The following KCNG2 variants were observed in gnomAD, a reference collection of about 807,000 sequenced individuals.
KCNG2 encodes the protein potassium voltage-gated channel modifier subfamily G member 2.
In KCNG2, 7 loss-of-function variants were observed where a neutral mutation model predicts 12.3. That is an observed-to-expected ratio of 0.57 (90% confidence interval 0.32 to 1.07). The LOEUF (loss-of-function observed/expected upper bound fraction) is 1.07. Ranked by LOEUF, KCNG2 falls within the 50% of genes least tolerant of loss-of-function variation. The pLI is 0.04. For synonymous variants in KCNG2, 414 were observed against 351.4 expected (o/e 1.18, Z -1.99); for missense variants, 703 against 726.0 (o/e 0.97, Z 0.36).
Position 79,863,852 on chromosome 18 carries a change from A to G in KCNG2, c.185A>G (p.Tyr62Cys), listed in dbSNP as rs1979328776. 4 of 1,466,960 alleles carry G rather than the reference A, an allele frequency of 2.7e-6. No homozygotes were observed. Among genetic ancestry groups the G allele is most frequent in the Non-Finnish European group, 3.6e-6 (4 of 1,106,354 alleles). The allele number at this position is 1,466,960 out of a possible 1,614,324, so 90.9% of individuals were successfully genotyped here. ...GACCTGCTGCGCGTGTGTGACGACT[A>G]CGACGTGAGCCGCGACGAGTTCTTC... ...HDDLLRVCDD[Y>C]DVSRDEFFFD... Residue 62 changes from tyrosine to cysteine, a missense_variant, in exon 3 of 4, where the codon TAC becomes TGC. Transcript: ENST00000316249.
At chr18:79,840,097 A>G (rs1044104762) in intron 1 of KCNG2, among the ~76,000 whole-genome samples, 2 of 152,250 alleles carry the variant, frequency 1.3e-5, no homozygotes, top group Admixed American at 6.5e-5. Context: ...TATTCAACAT[A>G]TAACTGAAAG....
At chr18:79,894,491 T>C (rs370640533) in intron 3 of KCNG2, among the ~76,000 whole-genome samples, 3,904 of 150,484 alleles carry the variant, frequency 0.026, 211 homozygotes, top group African/African-American at 0.092. Flanking sequence ...AATGTTACAA[T>C]TGATATAGTT....
At chr18:79,894,870 A>G (rs1288883550) in intron 3 of KCNG2, among the ~76,000 whole-genome samples, 2 of 149,546 alleles carry the variant, frequency 1.3e-5, no homozygotes, top group East Asian at 4.1e-4. Context: ...CTCCATTCAC[A>G]TCTAATGGTA....
chr18:79,872,345 G>A (rs947554598), intron 3 of KCNG2, among the ~76,000 whole-genome samples: 1 of 128,556 alleles, frequency 7.8e-6, no homozygotes, highest in Non-Finnish European at 1.6e-5. Context: ...GAGTGCAATG[G>A]CGCAATCACA....
intron 3 of KCNG2, among the ~76,000 whole-genome samples, chr18:79,875,110 C>T (rs944577587): frequency 5.3e-5 from 8 of 152,184 alleles, no homozygotes; most frequent in African/African-American, 1.9e-4. Context: ...CAGGGTGGGT[C>T]ATAGAAACCA....
At chr18:79,835,722 T>C (rs1054256335) in intron 1 of KCNG2, among the ~76,000 whole-genome samples, 5 of 152,208 alleles carry the variant, frequency 3.3e-5, no homozygotes, top group South Asian at 2.1e-4. Context: ...AAATTCCTGA[T>C]GTGGCTCTAA....
intron 1 of KCNG2, among the ~76,000 whole-genome samples, chr18:79,808,019 G>A (rs1372945564): frequency 7.9e-6 from 1 of 126,658 alleles, no homozygotes; most frequent in Non-Finnish European, 1.6e-5. Flanking sequence ...AGGAGCTGCC[G>A]GGGCCGCGCT....
At chr18:79,821,741 T>A (rs80025782) in intron 1 of KCNG2, among the ~76,000 whole-genome samples, 14,848 of 152,174 alleles carry the variant, frequency 0.098, 1,274 homozygotes, top group South Asian at 0.35. Flanking sequence ...CACTTGATCA[T>A]AGGTGTAGGG....
intron 2 of KCNG2, among the ~76,000 whole-genome samples, chr18:79,858,603 C>T (rs1311237263): frequency 5.9e-5 from 9 of 151,348 alleles, no homozygotes; most frequent in Admixed American, 3.9e-4. Context: ...GTCACCGGGT[C>T]ACATGAGAAC....
chr18:79,888,992 T>A (rs1031279913), intron 3 of KCNG2, among the ~76,000 whole-genome samples: 7 of 152,158 alleles, frequency 4.6e-5, no homozygotes, highest in Non-Finnish European at 1.0e-4. Flanking sequence ...TTTGCCCAAT[T>A]TTAAATTGGG....
chr18:79,801,214 T>C (rs2087407309), intron 1 of KCNG2, among the ~76,000 whole-genome samples: 1 of 152,260 alleles, frequency 6.6e-6, no homozygotes, highest in Non-Finnish European at 1.5e-5. Flanking sequence ...AATTTGATTA[T>C]GAGTTTAGAA....
At chr18:79,845,202 C>T (rs1347537089) in intron 1 of KCNG2, among the ~76,000 whole-genome samples, 1 of 152,188 alleles carries the variant, frequency 6.6e-6, no homozygotes, top group Non-Finnish European at 1.5e-5. Flanking sequence ...ACATTCATAA[C>T]ATTCTTGAAA....
chr18:79,862,587 C>T (rs543706674), intron 2 of KCNG2, among the ~76,000 whole-genome samples: 19 of 152,174 alleles, frequency 1.2e-4, no homozygotes, highest in Non-Finnish European at 2.6e-4. Context: ...GCAGCCGAGG[C>T]GTGTGCGTGG....
chr18:79,798,252 C>T (rs1025948416), intron 1 of KCNG2, among the ~76,000 whole-genome samples: 2 of 152,020 alleles, frequency 1.3e-5, no homozygotes, highest in African/African-American at 4.8e-5. Flanking sequence ...GCCTCCCCCT[C>T]CCGCTCAGCG....
At position 79,899,811 on chromosome 18, in the gene KCNG2, C is replaced by G. The variant is rs779090577; in HGVS notation, c.1396C>G (p.Arg466Gly). Residue 466 changes from arginine (R) to glycine (G), a missense_variant, in exon 4 of 4, where the codon CGC becomes GGC. Arg to Gly is a moderately radical substitution (Grantham distance 125). Coordinates refer to ENST00000316249, the MANE Select transcript of KCNG2 (RefSeq NM_012283.2). Reference sequence around the variant, plus strand: ...GGATGCGCTGTGGGTGCGGGCAGGGCGCTGACGCCTGCGCCGCCCACACGG... The same window carrying G: ...GGATGCGCTGTGGGTGCGGGCAGGGGGCTGACGCCTGCGCCGCCCACACGG... The part of the protein sequence containing the change: ...SADALWVRAG[R>G] 1 of 1,391,120 alleles carries G rather than the reference C, an allele frequency of 7.2e-7. No individual in the cohort carries two copies. The highest frequency in any genetic ancestry group is 9.3e-7 in the Non-Finnish European group (1 of 1,079,460). The allele number at this position is 1,391,120 out of a possible 1,614,324, so 86.2% of individuals were successfully genotyped here.
intron 1 of KCNG2, among the ~76,000 whole-genome samples, chr18:79,849,084 G>T (rs577228474): frequency 2.0e-5 from 3 of 152,066 alleles, no homozygotes; most frequent in Non-Finnish European, 4.4e-5. Flanking sequence ...CAGGCCACTC[G>T]GCCGCTCTGC....
intron 1 of KCNG2, among the ~76,000 whole-genome samples, chr18:79,818,526 G>C (rs1279326408): frequency 1.3e-5 from 2 of 152,158 alleles, no homozygotes; most frequent in African/African-American, 4.8e-5. Context: ...TGAGACAGGT[G>C]ATGAAGCTAT....
intron 1 of KCNG2, among the ~76,000 whole-genome samples, chr18:79,804,373 C>T (rs951774919): frequency 6.6e-6 from 1 of 152,226 alleles, no homozygotes; most frequent in Admixed American, 6.5e-5. Flanking sequence ...CGGTGCTGCA[C>T]CAGGCTCCAG....
chr18:79,820,776 G>A (rs777952841), intron 1 of KCNG2, among the ~76,000 whole-genome samples: 5 of 151,940 alleles, frequency 3.3e-5, no homozygotes, highest in Non-Finnish European at 7.4e-5. Context: ...AGCCCCTGGA[G>A]CAGCTGGGAC....
Sources: allele counts gnomAD v4.1 joint callset (sites outside exome capture counted in the v4.1 genomes callset), GRCh38; gene constraint gnomAD v4.1.1; transcripts MANE v1.5; gene names NCBI Gene and HGNC (gene_info 2026-07-23, HGNC 2026-07-21).